DNAI3: variants seen among roughly 807,000 people sequenced by gnomAD.
The protein encoded by DNAI3 is dynein axonemal intermediate chain 3.
DNAI3 carries 83 observed loss-of-function variants against 115.5 expected under a neutral mutation model. The ratio of observed to expected loss-of-function variants is 0.72; its 90% CI spans 0.60 to 0.86. DNAI3 has a LOEUF of 0.86. Among genes scored for constraint, DNAI3 ranks in the 40% least tolerant of loss-of-function variants. DNAI3 has a pLI of 0.00. For synonymous variants in DNAI3, 320 were observed against 347.0 expected (o/e 0.92, Z 0.86); for missense variants, 1,004 against 1,075.8 (o/e 0.93, Z 0.93).
In DNAI3 at chr1:85,094,519, T is replaced by C. The variant is rs144186798; in HGVS notation, c.1137T>C (p.Ile379=). Residue 379 remains isoleucine, a synonymous_variant, in exon 10 of 23, where the codon ATT becomes ATC. Transcript: ENST00000294664. ...SGKLLLQPSL[I]LFWSFSDPIH... ...AATTATTGCTGCAGCCATCACTGATTCTTTTCTGGAGCTTCTCTGATCCTA... is the reference window on the plus strand; with the variant it reads ...AATTATTGCTGCAGCCATCACTGATCCTTTTCTGGAGCTTCTCTGATCCTA... The C allele has an allele frequency of 7.4e-5, 120 of 1,614,206 alleles. No individual in the cohort carries two copies. In the African/African-American group the frequency reaches 1.5e-3, roughly 20 times the overall value.
intron 15 of DNAI3, 51 bp downstream of exon 15, chr1:85,108,228 A>T (rs1655549837): frequency 6.7e-7 from 1 of 1,488,350 alleles, no homozygotes; most frequent in African/African-American, 1.4e-5. Context: ...TACACTATTT[A>T]CTTTGCATGC....
chr1:85,087,434 C>CAA (rs1162431713), intron 7 of DNAI3, among the ~76,000 whole-genome samples: 1,812 of 46,390 alleles, frequency 0.039, 130 homozygotes, highest in Non-Finnish European at 0.051. Context: ...GACTCCATCT[C>CAA]AAAAAAAAAA....
intron 3 of DNAI3, among the ~76,000 whole-genome samples, chr1:85,080,390 G>A (rs1571161640): frequency 6.6e-6 from 1 of 152,294 alleles, no homozygotes; most frequent in Middle Eastern, 3.4e-3. Context: ...CTGAGGGAAA[G>A]CAGCATGGAA....
chr1:85,071,789 A>C (rs1654283819), intron 1 of DNAI3, 139 bp from the exon 2 acceptor site: 3 of 776,364 alleles, frequency 3.9e-6, no homozygotes, highest in Non-Finnish European at 6.3e-6. Context: ...CCGTTCTATG[A>C]AGATACAGGT....
At chr1:85,094,272 C>A in intron 9 of DNAI3, 159 bp from the exon 10 acceptor site, 1 of 904,388 alleles carries the variant, frequency 1.1e-6, no homozygotes, top group Non-Finnish European at 1.7e-6. Flanking sequence ...TAGCATGTAA[C>A]TAGTGGCAAC....
At chr1:85,100,177 G>A (rs1655248576) in intron 13 of DNAI3, among the ~76,000 whole-genome samples, 1 of 152,120 alleles carries the variant, frequency 6.6e-6, no homozygotes, top group Non-Finnish European at 1.5e-5. Flanking sequence ...CCATCAGAGT[G>A]AACAGGCAAC....
intron 7 of DNAI3, 28 bp from the exon 8 acceptor site, chr1:85,090,088 A>T: frequency 7.9e-7 from 1 of 1,263,614 alleles, no homozygotes; most frequent in Non-Finnish European, 1.1e-6. Context: ...CCTAATCTTT[A>T]GTATTGAATT....
At chr1:85,071,575 G>A (rs1654274726) in intron 1 of DNAI3, among the ~76,000 whole-genome samples, 3 of 152,244 alleles carry the variant, frequency 2.0e-5, no homozygotes, top group African/African-American at 7.2e-5. Context: ...CCCAGCAAAA[G>A]GCAGCACAGA....
intron 6 of DNAI3, 130 bp downstream of exon 6, chr1:85,084,825 T>A: frequency 1.1e-6 from 1 of 941,756 alleles, no homozygotes; most frequent in African/African-American, 1.7e-5. Context: ...TTTGGTTTGC[T>A]TTTATAGAAG....
intron 1 of DNAI3, among the ~76,000 whole-genome samples, chr1:85,063,724 A>T (rs1293521966): frequency 6.6e-6 from 1 of 152,182 alleles, no homozygotes; most frequent in Non-Finnish European, 1.5e-5. Context: ...TTGATAAGAG[A>T]TGCATTTTTG....
rs936078944 is a variant in DNAI3 at position 85,126,822 on chromosome 1, C to A, written c.2317+107C>A. 3 of 1,196,694 alleles carry A rather than the reference C, an allele frequency of 2.5e-6. No homozygotes were observed. The African/African-American group carries it at 4.6e-5, about 18-fold the overall frequency. 74.1% of individuals were successfully genotyped at this position (1,196,694 alleles called of 1,614,324 possible). On this transcript the variant is annotated intron_variant, in intron 20 of 22. Coordinates refer to ENST00000294664, the MANE Select transcript of DNAI3 (RefSeq NM_145172.5). The stretch of plus-strand genomic sequence containing the variant: ...GTTTATTTCTTAGTTTTTTGTTTTT[C>A]TTCCTGCTCATCCCTTCTTATCCCT...
At chr1:85,074,178 A>C (rs773068477) in intron 3 of DNAI3, among the ~76,000 whole-genome samples, 2 of 152,158 alleles carry the variant, frequency 1.3e-5, no homozygotes, top group Non-Finnish European at 2.9e-5. Context: ...TCCCACCTGC[A>C]ACCTTAGTCC....
intron 16 of DNAI3, among the ~76,000 whole-genome samples, chr1:85,111,385 C>T (rs975036718): frequency 6.6e-6 from 1 of 152,144 alleles, no homozygotes; most frequent in African/African-American, 2.4e-5. Context: ...TCTTTTCCTC[C>T]TCTTTTGTAT....
chr1:85,121,784 G>GA lies in DNAI3; in HGVS notation c.1956dup (p.Asp653ArgfsTer3), dbSNP rs754578859. 9 of 1,614,022 alleles carry GA rather than the reference G, an allele frequency of 5.6e-6. No individual in the cohort carries two copies. Among genetic ancestry groups the GA allele is most frequent in the Non-Finnish European group, 7.6e-6 (9 of 1,180,016 alleles). ...AGTGATATACACAGATTGGAAAATG[G>GA]AAAAAGACCCTGAAACTGGCCGACT... On this transcript the variant is annotated frameshift_variant, in exon 18 of 23. Transcript: ENST00000294664. LOFTEE classifies it high-confidence loss of function.
chr1:85,109,907 T>G, intron 15 of DNAI3, 141 bp from the exon 16 acceptor site: 1 of 705,320 alleles, frequency 1.4e-6, no homozygotes, highest in Non-Finnish European at 2.3e-6. Flanking sequence ...AACTAGAAAT[T>G]TGAGGGAGGA....
At chr1:85,064,104 A>G (rs1346880039) in intron 1 of DNAI3, among the ~76,000 whole-genome samples, 1 of 152,238 alleles carries the variant, frequency 6.6e-6, no homozygotes, top group East Asian at 1.9e-4. Flanking sequence ...ATATTTTAAT[A>G]ACTATATTTC....
intron 17 of DNAI3, among the ~76,000 whole-genome samples, chr1:85,119,028 T>C (rs1024658484): frequency 2.0e-5 from 3 of 152,224 alleles, no homozygotes; most frequent in Admixed American, 6.5e-5. Flanking sequence ...CCTGCTGTGT[T>C]AGGTAATTTG....
At chr1:85,066,533 T>C (rs1485857986) in intron 1 of DNAI3, among the ~76,000 whole-genome samples, 2 of 152,046 alleles carry the variant, frequency 1.3e-5, no homozygotes, top group Non-Finnish European at 2.9e-5. Flanking sequence ...TTTCACTGTG[T>C]TAGCCAGGAT....
At chr1:85,089,976 G>A (rs892094177) in intron 7 of DNAI3, 140 bp from the exon 8 acceptor site, 1 of 364,932 alleles carries the variant, frequency 2.7e-6, no homozygotes, top group Non-Finnish European at 5.0e-6. Flanking sequence ...CTAGGATAAA[G>A]AAAATTCAAT....
Sources: gnomAD v4.1 joint callset for allele counts (sites outside exome capture counted in the v4.1 genomes callset) on GRCh38, gnomAD v4.1.1 for gene constraint, MANE v1.5 for transcripts, NCBI Gene and HGNC (gene_info 2026-07-23, HGNC 2026-07-21) for gene names.